PDS5A: variants seen among roughly 807,000 people sequenced by gnomAD.
PDS5A encodes the protein PDS5 cohesin associated factor A.
Under a neutral mutation model 167.1 loss-of-function variants are expected in PDS5A, and 42 were observed. That is an observed-to-expected ratio of 0.25 (90% CI 0.20 to 0.33). The LOEUF is 0.33. Ranked by LOEUF, PDS5A falls within the 10% of genes least tolerant of loss-of-function variation. PDS5A has a pLI of 1.00. For missense variants in PDS5A, 1,033 were observed against 1,605.9 expected (o/e 0.64, Z 6.10); for synonymous variants, 553 against 554.6 (o/e 1.00, Z 0.04).
intron 31 of PDS5A, 57 bp downstream of exon 31, chr4:39,841,891 G>A (rs983070885): frequency 2.3e-5 from 21 of 932,274 alleles, no homozygotes; most frequent in East Asian, 7.4e-5. Flanking sequence ...TTATCCCTAC[G>A]GAAAAACTGT....
At chr4:39,826,473 TTTTA>T (rs57090254) in intron 32 of PDS5A, among the ~76,000 whole-genome samples, 4,470 of 143,774 alleles carry the variant, frequency 0.031, 84 homozygotes, top group Middle Eastern at 0.074. Context: ...CATTCCACAT[TTTTA>T]TTTATTTATT....
rs1319063405 is a variant in PDS5A, at chr4:39,977,764, GGCCC to G, written c.-352_-349del. Reference sequence around the variant, plus strand: ...GCTTGTGTCCGTCCGGGACCCCCGCGGCCCGCCCGCACGCACCTCGCGCCGGCCC... The same window carrying G: ...GCTTGTGTCCGTCCGGGACCCCCGCGGCCCGCACGCACCTCGCGCCGGCCC... On this transcript the variant is annotated 5_prime_UTR_variant, in exon 1 of 33. Transcript: ENST00000303538. This position sits in a 1 kb window ranked among gnomAD's most constrained non-coding sequence, Gnocchi z 4.2. The G allele has an allele frequency of 1.3e-5, 2 of 149,250 alleles. No individual in the cohort carries two copies. Among genetic ancestry groups the G allele is most frequent in the East Asian group, 3.9e-4 (2 of 5,162 alleles). 9.2% of individuals were successfully genotyped at this position (149,250 alleles called of 1,614,324 possible).
intron 11 of PDS5A, among the ~76,000 whole-genome samples, chr4:39,906,932 A>T (rs564515412): frequency 1.1e-4 from 16 of 151,128 alleles, no homozygotes; most frequent in African/African-American, 2.7e-4. Flanking sequence ...AAAAAAAAAA[A>T]AAAAAAAAAA....
intron 17 of PDS5A, among the ~76,000 whole-genome samples, chr4:39,885,878 C>T (rs532912202): frequency 6.6e-6 from 1 of 152,178 alleles, no homozygotes; most frequent in African/African-American, 2.4e-5. Context: ...TCACCTGAGC[C>T]CAGGAGGTCA....
At chr4:39,923,331 T>TAAAAAAAAAAAAAAAAAAAAA (rs1178389893) in intron 5 of PDS5A, among the ~76,000 whole-genome samples, 1 of 65,904 alleles carries the variant, frequency 1.5e-5, no homozygotes, top group East Asian at 3.7e-4. Flanking sequence ...TTGTATCAAT[T>TAAAAAAAAAAAAAAAAAAAAA]AAAAAAAAAA....
intron 17 of PDS5A, among the ~76,000 whole-genome samples, chr4:39,883,538 C>G (rs1378438202): frequency 6.6e-6 from 1 of 152,182 alleles, no homozygotes; most frequent in East Asian, 1.9e-4. Flanking sequence ...TCAAAAACAA[C>G]AGCAGAAGAT....
chr4:39,855,835 C>T (rs1718481878), intron 26 of PDS5A, among the ~76,000 whole-genome samples: 1 of 152,096 alleles, frequency 6.6e-6, no homozygotes. Flanking sequence ...TCTAATGAAC[C>T]TGCAAGAAAC....
chr4:39,863,687 T>C (rs1455770816), intron 23 of PDS5A, among the ~76,000 whole-genome samples: 1 of 152,200 alleles, frequency 6.6e-6, no homozygotes, highest in African/African-American at 2.4e-5. Flanking sequence ...CCTGCCTTCA[T>C]TTCTAGTCAA....
At chr4:39,872,245 T>C (rs1375794301) in intron 21 of PDS5A, among the ~76,000 whole-genome samples, 1 of 148,538 alleles carries the variant, frequency 6.7e-6, no homozygotes, top group African/African-American at 2.5e-5. Flanking sequence ...TGTGCAATCA[T>C]GGCTCACTGC....
At chr4:39,931,686 T>C (rs1726080037) in intron 2 of PDS5A, among the ~76,000 whole-genome samples, 1 of 152,120 alleles carries the variant, frequency 6.6e-6, no homozygotes, top group Non-Finnish European at 1.5e-5. Flanking sequence ...GACCTAACCT[T>C]GAAAAGCATA....
chr4:39,843,462 G>A (rs1717249470), intron 30 of PDS5A, among the ~76,000 whole-genome samples: 1 of 152,200 alleles, frequency 6.6e-6, no homozygotes, highest in Non-Finnish European at 1.5e-5. Context: ...GGCCAGGCGT[G>A]ATGGTTCATG....
intron 2 of PDS5A, among the ~76,000 whole-genome samples, chr4:39,974,631 G>A (rs1578861980): frequency 2.0e-5 from 3 of 152,138 alleles, no homozygotes; most frequent in Admixed American, 6.6e-5. Flanking sequence ...CAAAACTTCC[G>A]CCTCCCGGGT....
intron 26 of PDS5A, among the ~76,000 whole-genome samples, chr4:39,861,341 C>T (rs1241464753): frequency 1.3e-5 from 2 of 151,962 alleles, no homozygotes; most frequent in Admixed American, 6.6e-5. Flanking sequence ...ACCTGTAGTC[C>T]CAGCTACTCG....
At chr4:39,974,271 A>G in intron 2 of PDS5A, 2 of 544,872 alleles carry the variant, frequency 3.7e-6, no homozygotes, top group Non-Finnish European at 7.5e-6. Context: ...CCACCACTTA[A>G]TACTATGAGA....
rs532570002 is a variant in PDS5A, at chr4:39,877,019, T to C, written c.2127A>G (p.Ile709Met). The change falls in exon 19 of 33, where the codon ATA (isoleucine) becomes ATG (methionine). Residue 709 changes from isoleucine to methionine, a missense_variant. Physicochemically the swap from Ile to Met is conservative, Grantham distance 10. Around this residue, in one of 4 missense-constraint regions of PDS5A, gnomAD observed 367 missense variants for 686.7 expected, o/e 0.53. Transcript: ENST00000303538. Reference protein sequence around the residue: ...IQIFRNTGHKIETDLPQIRST... With the variant: ...IQIFRNTGHKMETDLPQIRST... ...ATCGTATCTGGGGAAGGTCTGTTTC[T>C]ATTTTGTGACCTGTATTTCTAAAAA... The C allele has an allele frequency of 2.9e-5, 47 of 1,612,354 alleles. No homozygotes were observed. The South Asian group carries it at 5.0e-4, about 17-fold the overall frequency.
intron 7 of PDS5A, 74 bp downstream of exon 7, chr4:39,920,245 A>C: frequency 1.6e-6 from 1 of 639,696 alleles, no homozygotes; most frequent in Non-Finnish European, 2.7e-6. Context: ...ACTTTTATGT[A>C]AGAGGTTCTA....
At chr4:39,925,678 C>T (rs1430457159) in intron 5 of PDS5A, among the ~76,000 whole-genome samples, 158 bp downstream of exon 5, 4 of 152,108 alleles carry the variant, frequency 2.6e-5, no homozygotes, top group Non-Finnish European at 4.4e-5. Flanking sequence ...AGGCAGTGTT[C>T]GGACAACAGA....
rs1354778143 is a variant in PDS5A, at chr4:39,885,324, G to A, written c.1886+4925C>T. Among the ~76,000 whole-genome samples the A allele has an allele frequency of 4.0e-5, 6 of 150,974 alleles. No homozygotes were observed. The South Asian group carries it at 6.3e-4, about 16-fold the overall frequency. ...GAGAAGAGAAGAGAAAAAAAACTTC[G>A]GCATGGTGGCTCATGCCTGAAATAC... On this transcript the variant is annotated intron_variant, in intron 17 of 32. Coordinates refer to ENST00000303538, the MANE Select transcript of PDS5A (RefSeq NM_001100399.2).
intron 2 of PDS5A, among the ~76,000 whole-genome samples, chr4:39,934,498 T>C (rs565315032): frequency 6.6e-6 from 1 of 152,186 alleles, no homozygotes; most frequent in Non-Finnish European, 1.5e-5. Context: ...TAATTTATCA[T>C]ACACTTATGA....
Sources: allele counts gnomAD v4.1 joint callset (sites outside exome capture counted in the v4.1 genomes callset), GRCh38; gene constraint gnomAD v4.1.1; regional missense constraint gnomAD v4.1.1; non-coding constraint Gnocchi (gnomAD v3.1); transcripts MANE v1.5; gene names NCBI Gene and HGNC (gene_info 2026-07-23, HGNC 2026-07-21).